The following BCOR variants were observed in gnomAD, a reference collection of about 807,000 sequenced individuals.
The protein encoded by BCOR is BCL-6 corepressor.
In BCOR, 10 loss-of-function variants were observed where a neutral mutation model predicts 86.7. The observed-to-expected ratio is 0.12, with a 90% CI of 0.07 to 0.20. The LOEUF (loss-of-function observed/expected upper bound fraction) is 0.20, where lower values mean the gene tolerates loss of function less well. Among genes scored for constraint, BCOR ranks in the 10% least tolerant of loss-of-function variants. The pLI, the probability that BCOR is intolerant of heterozygous loss-of-function variation, is 1.00. For synonymous variants in BCOR, 611 were observed against 609.0 expected (o/e 1.00, Z -0.05); for missense variants, 1,259 against 1,452.1 (o/e 0.87, Z 2.16).
chrX:40,176,320 C>T (rs1213250547), intron 1 of BCOR, among the ~76,000 whole-genome samples: 1 of 112,594 alleles, frequency 8.9e-6, no homozygotes, highest in African/African-American at 3.2e-5. Flanking sequence ...CGGCTTGCAC[C>T]CCCGCGAGCC....
chrX:40,096,713 G>T (rs1383708481), intron 1 of BCOR, among the ~76,000 whole-genome samples: 1 of 112,112 alleles, frequency 8.9e-6, no homozygotes, highest in Admixed American at 9.3e-5. Context: ...CGAGGCGGCG[G>T]TGGCGGCGGC....
Position 40,062,978 on chromosome X carries a change from G to T in BCOR, c.3941C>A (p.Ala1314Asp), listed in dbSNP as rs754985350. The change falls in exon 9 of 15, where the codon GCC (alanine) becomes GAC (aspartate). Residue 1314 changes from alanine (A) to aspartate (D), a missense_variant. By Grantham distance (126) the Ala-to-Asp change is moderately radical (BLOSUM62 -2). Transcript: ENST00000378444. ...CTGCTGTTTGGCAGGCGGCCTGGAGGCTGGTGCGCAGCTTGGCTGAGCCTG... is the reference window on the plus strand; with the variant it reads ...CTGCTGTTTGGCAGGCGGCCTGGAGTCTGGTGCGCAGCTTGGCTGAGCCTG... Reference protein sequence around the residue: ...KKQAQPSCAPASRPPAKQQKI... With the variant: ...KKQAQPSCAPDSRPPAKQQKI... The T allele has an allele frequency of 2.5e-6, 3 of 1,183,546 alleles. No homozygotes were observed. Among genetic ancestry groups the T allele is most frequent in the Non-Finnish European group, 3.4e-6 (3 of 881,293 alleles).
chrX:40,053,635 G>C (rs1239132083), intron 14 of BCOR, among the ~76,000 whole-genome samples: 1 of 111,704 alleles, frequency 9.0e-6, no homozygotes, highest in East Asian at 2.8e-4. Context: ...CTTCTCTGGG[G>C]AGTGACTTAA....
chrX:40,093,120 A>G (rs770328760), intron 1 of BCOR, among the ~76,000 whole-genome samples: 1 of 112,535 alleles, frequency 8.9e-6, no homozygotes, highest in Non-Finnish European at 1.9e-5. Context: ...TTCTCTCAGA[A>G]TATCGCTATA....
At chrX:40,122,851 T>C (rs145706781) in intron 1 of BCOR, among the ~76,000 whole-genome samples, 264 of 111,891 alleles carry the variant, frequency 2.4e-3, no homozygotes, top group African/African-American at 8.0e-3. Flanking sequence ...CAGAGCCGAG[T>C]GTGCTTTTGC....
chrX:40,143,901 G>C (rs1937981016), intron 1 of BCOR, among the ~76,000 whole-genome samples: 1 of 112,601 alleles, frequency 8.9e-6, no homozygotes, highest in African/African-American at 3.2e-5. Flanking sequence ...AGGTTGCAGT[G>C]AGTCGAGATC....
In BCOR at chrX:40,075,092, G is replaced by C. The variant is rs121434618; in HGVS notation, c.254C>G (p.Pro85Arg). 5 of 1,208,279 alleles carry C rather than the reference G, an allele frequency of 4.1e-6. No individual in the cohort carries two copies. Residue 85 changes from proline (P) to arginine (R), a missense_variant, in exon 4 of 15, where the codon CCG (proline) becomes CGG (arginine). Around this residue, in one of 7 missense-constraint regions of BCOR, gnomAD observed 174 missense variants for 189.3 expected, o/e 0.92. Coordinates refer to ENST00000378444, the MANE Select transcript of BCOR (RefSeq NM_001123385.2). ...TGLIREGLRV[P>R]GNIVYSSLCG... ...CAAGCTAGAATAGACGATGTTTCCCGGGACCCGCAGCCCTTCCCGGATCAG... is the reference window on the plus strand; with the variant it reads ...CAAGCTAGAATAGACGATGTTTCCCCGGACCCGCAGCCCTTCCCGGATCAG...
intron 1 of BCOR, among the ~76,000 whole-genome samples, chrX:40,169,952 T>C (rs991674547): frequency 8.9e-6 from 1 of 112,025 alleles, no homozygotes; most frequent in African/African-American, 3.2e-5. Context: ...CCCTACTCGC[T>C]ATCTGCGAGG....
chrX:40,154,488 G>C (rs1353505002), intron 1 of BCOR, among the ~76,000 whole-genome samples: 1 of 110,708 alleles, frequency 9.0e-6, no homozygotes, highest in Admixed American at 9.5e-5. Flanking sequence ...GCCTGTTGGA[G>C]AGCAGCTGGC....
intron 2 of BCOR, chrX:40,077,471 C>T (rs1474346226): frequency 5.3e-6 from 1 of 190,307 alleles, no homozygotes; most frequent in African/African-American, 3.1e-5. Context: ...AACGGTGGCT[C>T]TCTCCCCATT....
intron 1 of BCOR, among the ~76,000 whole-genome samples, chrX:40,103,364 G>A (rs940634139): frequency 9.0e-6 from 1 of 110,824 alleles, no homozygotes; most frequent in African/African-American, 3.3e-5. Context: ...AGCAGGCTAT[G>A]TGTCCTAGCC....
chrX:40,086,620 G>A (rs948073468), intron 1 of BCOR, among the ~76,000 whole-genome samples: 2 of 113,810 alleles, frequency 1.8e-5, no homozygotes, highest in Non-Finnish European at 3.7e-5. Context: ...GAAACTGGCC[G>A]CCACCTCTGC....
chrX:40,100,708 AAAAAGAAAAG>A (rs1226483688), upstream of BCOR, among the ~76,000 whole-genome samples: 1 of 109,812 alleles, frequency 9.1e-6, no homozygotes, highest in Non-Finnish European at 1.9e-5. Flanking sequence ...TCAAAAAAAA[AAAAAGAAAAG>A]AAAAAGAAAA....
chrX:40,143,269 C>T (rs1039866449), intron 1 of BCOR, among the ~76,000 whole-genome samples: 1 of 112,147 alleles, frequency 8.9e-6, no homozygotes, highest in African/African-American at 3.2e-5. Flanking sequence ...TCCTTTCTCT[C>T]CCCTCCCTGC....
chrX:40,059,110 T>C (rs1432485905), intron 10 of BCOR, among the ~76,000 whole-genome samples: 1 of 111,894 alleles, frequency 8.9e-6, no homozygotes, highest in Non-Finnish European at 1.9e-5. Context: ...TGAGGGAACA[T>C]AGAAATGAAA....
chrX:40,124,624 G>C (rs1937520958), intron 1 of BCOR, among the ~76,000 whole-genome samples: 1 of 101,962 alleles, frequency 9.8e-6, no homozygotes, highest in South Asian at 4.5e-4. Flanking sequence ...CTTTTTGAGA[G>C]GGGGGTCTCA....
chrX:40,092,653 G>A (rs1160400839), intron 1 of BCOR, among the ~76,000 whole-genome samples: 1 of 110,786 alleles, frequency 9.0e-6, no homozygotes, highest in Non-Finnish European at 1.9e-5. Flanking sequence ...ACACGATCCA[G>A]CCACTCAAGG....
chrX:40,156,114 G>T (rs1388975173), intron 1 of BCOR, among the ~76,000 whole-genome samples: 1 of 113,231 alleles, frequency 8.8e-6, no homozygotes. Context: ...CCCCTCCTCC[G>T]AGAAACCGTG....
At chrX:40,154,953 T>G (rs1314660235) in intron 1 of BCOR, among the ~76,000 whole-genome samples, 1 of 112,140 alleles carries the variant, frequency 8.9e-6, no homozygotes, top group African/African-American at 3.2e-5. Flanking sequence ...CCGGTAATCG[T>G]GGACACGCGC....
Sources: gnomAD v4.1 joint callset for allele counts (sites outside exome capture counted in the v4.1 genomes callset) on GRCh38, gnomAD v4.1.1 for gene constraint, gnomAD v4.1.1 regional missense constraint, MANE v1.5 for transcripts, NCBI Gene and HGNC (gene_info 2026-07-23, HGNC 2026-07-21) for gene names.